The following RNGTT variants were observed in gnomAD, a reference collection of about 807,000 sequenced individuals.
RNGTT encodes the protein mRNA-capping enzyme.
A neutral mutation model predicts 79.3 loss-of-function variants in RNGTT; 33 were observed. That is an observed-to-expected ratio of 0.42 (90% CI 0.32 to 0.56). The LOEUF (loss-of-function observed/expected upper bound fraction) is 0.56, where lower values mean the gene tolerates loss of function less well. RNGTT is among the 20% of genes least tolerant of loss of function. The probability of loss-of-function intolerance (pLI) is 0.17; values close to 1 mark genes in which losing one functional copy is unlikely to be tolerated. For missense variants in RNGTT, 497 were observed against 739.1 expected (o/e 0.67, Z 3.80); for synonymous variants, 222 against 235.9 (o/e 0.94, Z 0.54).
chr6:88,750,010 T>C (rs1582414792), intron 13 of RNGTT, among the ~76,000 whole-genome samples: 1 of 152,128 alleles, frequency 6.6e-6, no homozygotes, highest in Non-Finnish European at 1.5e-5. Context: ...TCATGTATAA[T>C]CTCTCTGTGT....
intron 14 of RNGTT, among the ~76,000 whole-genome samples, chr6:88,616,060 C>CTACTTTACTGG (rs1490515003): frequency 1.3e-5 from 2 of 152,278 alleles, no homozygotes; most frequent in East Asian, 3.9e-4. Flanking sequence ...ATGATTTTGA[C>CTACTTTACTGG]TACTTTAGAT....
intron 13 of RNGTT, among the ~76,000 whole-genome samples, chr6:88,712,225 A>G (rs1776343279): frequency 6.6e-6 from 1 of 152,230 alleles, no homozygotes; most frequent in South Asian, 2.1e-4. Flanking sequence ...AAAATAAAAT[A>G]AATGCTAATA....
intron 8 of RNGTT, among the ~76,000 whole-genome samples, chr6:88,889,054 C>T (rs1197059504): frequency 6.6e-6 from 1 of 151,980 alleles, no homozygotes; most frequent in African/African-American, 2.4e-5. Context: ...TAATAAAAAC[C>T]ACACCTGCCA....
chr6:88,801,535 A>C (rs1352194353), intron 12 of RNGTT, 29 bp downstream of exon 12: 38 of 1,532,572 alleles, frequency 2.5e-5, no homozygotes, highest in Non-Finnish European at 3.3e-5. Context: ...CACACAAACG[A>C]ACACACACAC....
In RNGTT at chr6:88,743,318, G is replaced by A. The variant is rs373054346; in HGVS notation, c.1439+26456C>T. On this transcript the variant is annotated intron_variant, in intron 13 of 15. Coordinates refer to ENST00000369485, the MANE Select transcript of RNGTT (RefSeq NM_003800.5). ...TTTTTTCTCCAATTTTTTTTATTACGGTAAAATATACAGAACAAAATGTAG... is the reference window on the plus strand; with the variant it reads ...TTTTTTCTCCAATTTTTTTTATTACAGTAAAATATACAGAACAAAATGTAG... Among the ~76,000 whole-genome samples, 13 of 151,818 alleles carry A rather than the reference G, an allele frequency of 8.6e-5. No homozygotes were observed. In the East Asian group the frequency reaches 1.2e-3, roughly 14 times the overall value.
intron 11 of RNGTT, among the ~76,000 whole-genome samples, chr6:88,830,046 T>C (rs931587469): frequency 1.3e-5 from 2 of 152,182 alleles, no homozygotes; most frequent in Non-Finnish European, 2.9e-5. Context: ...GCAGACCTAA[T>C]AGACATCTAC....
At chr6:88,724,198 G>C (rs1051252111) in intron 13 of RNGTT, among the ~76,000 whole-genome samples, 2 of 152,084 alleles carry the variant, frequency 1.3e-5, no homozygotes, top group East Asian at 3.9e-4. Context: ...AAATCTACAG[G>C]AGTATGTAGT....
intron 12 of RNGTT, among the ~76,000 whole-genome samples, chr6:88,785,325 T>C (rs1391118493): frequency 4.6e-5 from 7 of 152,116 alleles, no homozygotes; most frequent in African/African-American, 1.7e-4. Flanking sequence ...TATCTATATC[T>C]AGCTGAGACT....
At position 88,818,032 on chromosome 6, in the gene RNGTT, T is replaced by G. The variant is rs545237664; in HGVS notation, c.1270-16400A>C. On this transcript the variant is annotated intron_variant, in intron 11 of 15. Coordinates refer to ENST00000369485, the MANE Select transcript of RNGTT (RefSeq NM_003800.5). ...TCTCGGCCTCCCAAAGTGCTAGGATTACAGGCGTGAGCCACCGCGCCCGGC... is the reference window on the plus strand; with the variant it reads ...TCTCGGCCTCCCAAAGTGCTAGGATGACAGGCGTGAGCCACCGCGCCCGGC... Among the ~76,000 whole-genome samples, 11 of 151,896 alleles carry G rather than the reference T, an allele frequency of 7.2e-5. No individual in the cohort carries two copies. The South Asian group carries it at 2.3e-3, about 32-fold the overall frequency.
At chr6:88,864,502 A>C (rs1269530325) in intron 8 of RNGTT, among the ~76,000 whole-genome samples, 2 of 152,146 alleles carry the variant, frequency 1.3e-5, no homozygotes, top group African/African-American at 4.8e-5. Context: ...GCACTCTACT[A>C]TAGTGGTTAA....
At position 88,896,335 on chromosome 6, in the gene RNGTT, C is replaced by A. The variant is rs565135015; in HGVS notation, c.685-4420G>T. 2.0e-5 allele frequency among the ~76,000 whole-genome samples: 3 copies of A among 152,246 alleles called. No individual in the cohort carries two copies. In the South Asian group the frequency reaches 6.2e-4, roughly 32 times the overall value. On this transcript the variant is annotated intron_variant, in intron 6 of 15. Transcript: ENST00000369485. ...CCAAAGTTGATGGGAGCACGAATAA[C>A]CCCTAACTCAATCTGAAGCCATCAG...
intron 12 of RNGTT, among the ~76,000 whole-genome samples, chr6:88,781,830 A>T (rs1459531401): frequency 6.6e-6 from 1 of 151,998 alleles, no homozygotes; most frequent in East Asian, 1.9e-4. Flanking sequence ...AAGGTTCAAA[A>T]CTCTCGAATC....
chr6:88,926,368 G>A (rs1019047320), intron 4 of RNGTT, among the ~76,000 whole-genome samples: 1 of 151,988 alleles, frequency 6.6e-6, no homozygotes, highest in Non-Finnish European at 1.5e-5. Flanking sequence ...TGTCTGATTT[G>A]CCAAACTATT....
intron 13 of RNGTT, among the ~76,000 whole-genome samples, chr6:88,732,235 T>G (rs1307987128): frequency 6.6e-6 from 1 of 152,174 alleles, no homozygotes; most frequent in East Asian, 1.9e-4. Context: ...TGAATAAACA[T>G]TTCTCCAAAA....
intron 4 of RNGTT, among the ~76,000 whole-genome samples, chr6:88,912,144 T>C (rs974410877): frequency 6.6e-6 from 1 of 151,418 alleles, no homozygotes; most frequent in African/African-American, 2.4e-5. Context: ...GGCTCATACC[T>C]GTAATCCCAG....
chr6:88,917,666 C>T (rs1043812164), intron 4 of RNGTT, among the ~76,000 whole-genome samples: 5 of 152,216 alleles, frequency 3.3e-5, no homozygotes, highest in Admixed American at 2.0e-4. Context: ...GGTGGCGGAT[C>T]ACTTGAGGCC....
chr6:88,933,311 A>C (rs1784565090), intron 2 of RNGTT, among the ~76,000 whole-genome samples: 1 of 152,188 alleles, frequency 6.6e-6, no homozygotes, highest in Non-Finnish European at 1.5e-5. Flanking sequence ...ACAATACATC[A>C]TTGCTAACAA....
intron 14 of RNGTT, among the ~76,000 whole-genome samples, chr6:88,631,482 G>C (rs1469857151): frequency 9.9e-5 from 15 of 152,154 alleles, no homozygotes. Context: ...TCTCACAAAG[G>C]AGTAAGGGAG....
intron 13 of RNGTT, among the ~76,000 whole-genome samples, chr6:88,769,409 C>T (rs1778574346): frequency 6.6e-6 from 1 of 152,148 alleles, no homozygotes; most frequent in South Asian, 2.1e-4. Context: ...ATCTGCCTAT[C>T]TTGGCCTCCC....
Sources: gnomAD v4.1 joint callset for allele counts (sites outside exome capture counted in the v4.1 genomes callset) on GRCh38, gnomAD v4.1.1 for gene constraint, MANE v1.5 for transcripts, NCBI Gene and HGNC (gene_info 2026-07-23, HGNC 2026-07-21) for gene names.